The following ZSCAN22 variants were observed in gnomAD, a reference collection of about 807,000 sequenced individuals.
ZSCAN22 encodes zinc finger and SCAN domain containing 22.
A neutral mutation model predicts 12.4 loss-of-function variants in ZSCAN22; 7 were observed. That is an observed-to-expected ratio of 0.57 (90% CI 0.32 to 1.06). The LOEUF (loss-of-function observed/expected upper bound fraction) is 1.06. Ranked by LOEUF, ZSCAN22 falls within the 50% of genes least tolerant of loss-of-function variation. ZSCAN22 has a pLI of 0.04. For synonymous variants in ZSCAN22, 243 were observed against 255.9 expected, an observed-to-expected ratio of 0.95 and a Z score of 0.48; for missense variants, 576 against 631.7, an observed-to-expected ratio of 0.91 and a Z score of 0.94.
intron 1 of ZSCAN22, among the ~76,000 whole-genome samples, chr19:58,333,110 C>T (rs1190520964): frequency 6.6e-6 from 1 of 152,204 alleles, no homozygotes; most frequent in African/African-American, 2.4e-5. Flanking sequence ...AATGTCTAGT[C>T]ACATTCTTTG....
At chr19:58,332,540 G>T (rs2051740367) in intron 1 of ZSCAN22, among the ~76,000 whole-genome samples, 1 of 152,110 alleles carries the variant, frequency 6.6e-6, no homozygotes, top group South Asian at 2.1e-4. Context: ...CTCCCAAAGT[G>T]CTGGGATCAC....
Position 58,339,954 on chromosome 19 carries a change from T to C in ZSCAN22, c.*628T>C, listed in dbSNP as rs1211432261. ...CCCAGCATGTTCCTGTCTCTCCTTT[T>C]CCTTCCACATCCCACCAGTCACCAG... On this transcript the variant is annotated 3_prime_UTR_variant, in exon 3 of 3. Coordinates refer to ENST00000329665, the MANE Select transcript of ZSCAN22 (RefSeq NM_181846.3). This position sits in a 1 kb window ranked among gnomAD's most constrained non-coding sequence, Gnocchi z 5.6. 6.5e-6 allele frequency: 1 copy of C among 153,032 alleles called. No homozygotes were observed. The highest frequency in any genetic ancestry group is 1.9e-4 in the East Asian group (1 of 5,202). 9.5% of individuals were successfully genotyped at this position (153,032 alleles called of 1,614,324 possible).
In ZSCAN22 at chr19:58,339,196, C is replaced by T. The variant is rs1392169344; in HGVS notation, c.1346C>T (p.Ser449Phe). The T allele has an allele frequency of 1.9e-6, 3 of 1,613,716 alleles. No homozygotes were observed. The highest frequency in any genetic ancestry group is 1.6e-4 in the Middle Eastern group (1 of 6,082). Residue 449 changes from serine to phenylalanine, a missense_variant, in exon 3 of 3, where the codon TCC (serine) becomes TTC (phenylalanine). Transcript: ENST00000329665. This position sits in a 1 kb window ranked among gnomAD's most constrained non-coding sequence, Gnocchi z 5.6. ...TGTCCGAAGGCCTTTGCACAGAGCT[C>T]CTCCCTCATTGAGCACCAGAGGATC... Reference protein sequence around the residue: ...KVCPKAFAQSSSLIEHQRIHT... With the variant: ...KVCPKAFAQSFSLIEHQRIHT...
intron 1 of ZSCAN22, among the ~76,000 whole-genome samples, chr19:58,331,154 G>A (rs544276760): frequency 8.6e-5 from 13 of 151,720 alleles, no homozygotes; most frequent in South Asian, 2.1e-4. Flanking sequence ...CTGATAAGGC[G>A]TCTTTTGTGT....
Position 58,341,894 on chromosome 19 carries a change from G to A in ZSCAN22, c.*2568G>A, listed in dbSNP as rs2051880540. On this transcript the variant is annotated 3_prime_UTR_variant, in exon 3 of 3. Coordinates refer to ENST00000329665, the MANE Select transcript of ZSCAN22 (RefSeq NM_181846.3). Reference sequence around the variant, plus strand: ...CCATGACCTCCTCATATGTAAACCAGGGACAGGACCCACCTTGTGTAGTGC... The same window carrying A: ...CCATGACCTCCTCATATGTAAACCAAGGACAGGACCCACCTTGTGTAGTGC... 6.6e-6 allele frequency: 1 copy of A among 152,206 alleles called. No homozygotes were observed. The highest frequency in any genetic ancestry group is 2.4e-5 in the African/African-American group (1 of 41,432). 9.4% of individuals were successfully genotyped at this position (152,206 alleles called of 1,614,324 possible).
chr19:58,334,580 G>A, intron 1 of ZSCAN22, 172 bp from the exon 2 acceptor site: 2 of 538,668 alleles, frequency 3.7e-6, no homozygotes, highest in Middle Eastern at 4.9e-4. Flanking sequence ...AGCAGTAGTA[G>A]CTTAGAACAG....
chr19:58,337,277 A>G (rs2051809507), intron 2 of ZSCAN22, among the ~76,000 whole-genome samples: 1 of 152,258 alleles, frequency 6.6e-6, no homozygotes, highest in African/African-American at 2.4e-5. Flanking sequence ...CTGTGGACAC[A>G]TCCAGGCCTA....
At chr19:58,334,137 T>A (rs2051760024) in intron 1 of ZSCAN22, among the ~76,000 whole-genome samples, 1 of 152,178 alleles carries the variant, frequency 6.6e-6, no homozygotes, top group South Asian at 2.1e-4. Flanking sequence ...TTGGCTCTGT[T>A]GGGGAGGAGC....
In ZSCAN22 at chr19:58,329,336, G is replaced by C. The variant is rs557277728; in HGVS notation, c.-52+2222G>C. 3.7e-4 allele frequency among the ~76,000 whole-genome samples: 57 copies of C among 152,196 alleles called. No homozygotes were observed. The highest frequency in any genetic ancestry group is 7.5e-4 in the Non-Finnish European group (51 of 68,028). ...TCTCTGTCCAGGGTGACTTCCTTGA[G>C]CAGAGACTCCAGGCACACTGAGCGT... On this transcript the variant is annotated intron_variant, in intron 1 of 2. Transcript: ENST00000329665. The surrounding 1 kb of genome is among the most constrained non-coding windows in gnomAD (Gnocchi z 4.1).
chr19:58,339,235 A>G lies in ZSCAN22; in HGVS notation c.1385A>G (p.Lys462Arg). Reference protein sequence around the residue: ...IEHQRIHTGEKPYKCSDCGKA... With the variant: ...IEHQRIHTGERPYKCSDCGKA... ...CACCAGAGGATCCACACGGGAGAGA[A>G]GCCTTATAAGTGCAGCGACTGTGGG... Residue 462 changes from lysine (K) to arginine (R), a missense_variant, in exon 3 of 3, where the codon AAG (lysine) becomes AGG (arginine). Lys to Arg is a conservative substitution (Grantham distance 26, BLOSUM62 2). Coordinates refer to ENST00000329665, the MANE Select transcript of ZSCAN22 (RefSeq NM_181846.3). The surrounding 1 kb of genome is among the most constrained non-coding windows in gnomAD (Gnocchi z 5.6). The G allele has an allele frequency of 6.2e-7, 1 of 1,614,128 alleles. No individual in the cohort carries two copies. The highest frequency in any genetic ancestry group is 8.5e-7 in the Non-Finnish European group (1 of 1,180,016).
intron 1 of ZSCAN22, 184 bp from the exon 2 acceptor site, chr19:58,334,568 C>G: frequency 2.1e-6 from 1 of 467,646 alleles, no homozygotes; most frequent in Non-Finnish European, 3.8e-6. Flanking sequence ...AGTCTACATG[C>G]AAGCAGTAGT....
Position 58,328,701 on chromosome 19 carries a change from C to T in ZSCAN22, c.-52+1587C>T, listed in dbSNP as rs142625066. Reference sequence around the variant, plus strand: ...TTTCACATACATGTATTTCAGAGACCGTCATGAGGGATTTCTCCAGAACAG... The same window carrying T: ...TTTCACATACATGTATTTCAGAGACTGTCATGAGGGATTTCTCCAGAACAG... On this transcript the variant is annotated intron_variant, in intron 1 of 2. Coordinates refer to ENST00000329665, the MANE Select transcript of ZSCAN22 (RefSeq NM_181846.3). Among the ~76,000 whole-genome samples, 9 of 152,194 alleles carry T rather than the reference C, an allele frequency of 5.9e-5. No individual in the cohort carries two copies. The East Asian group carries it at 1.7e-3, about 29-fold the overall frequency.
rs1031458477 is a variant in ZSCAN22, at chr19:58,338,187, G to T, written c.404-67G>T. ...TCTCCCCTTACAAAGTGTGACCGGG[G>T]CCCTCGGCAGAGTAGGGGAGGCTTG... On this transcript the variant is annotated intron_variant, in intron 2 of 2. Transcript: ENST00000329665. This position sits in a 1 kb window ranked among gnomAD's most constrained non-coding sequence, Gnocchi z 5.4. 2.1e-5 allele frequency: 30 copies of T among 1,419,746 alleles called. No homozygotes were observed. The highest frequency in any genetic ancestry group is 5.2e-4 in the Middle Eastern group (2 of 3,814). 87.9% of individuals were successfully genotyped at this position (1,419,746 alleles called of 1,614,324 possible).
At chr19:58,336,296 A>C (rs994565861) in intron 2 of ZSCAN22, among the ~76,000 whole-genome samples, 1 of 152,152 alleles carries the variant, frequency 6.6e-6, no homozygotes, top group African/African-American at 2.4e-5. Context: ...TAATTTGTTC[A>C]GCTCTGGGAG....
rs1375397157 is a variant in ZSCAN22 at position 58,340,457 on chromosome 19, T to TCTTTTA, written c.*1136_*1137insACTTTT. The TCTTTTA allele has an allele frequency of 1.3e-5, 2 of 154,504 alleles. No individual in the cohort carries two copies. The highest frequency in any genetic ancestry group is 4.9e-5 in the African/African-American group (2 of 40,440). The allele number at this position is 154,504 out of a possible 1,614,324, so 9.6% of individuals were successfully genotyped here. On this transcript the variant is annotated 3_prime_UTR_variant, in exon 3 of 3. Transcript: ENST00000329665. ...GTACCTGTGCCTGGAACCCTCCTCT[T>TCTTTTA]CTTTTTCTTTTTCTTTTCTTTTCTT...
chr19:58,334,862 A>G lies in ZSCAN22; in HGVS notation c.60A>G (p.Gln20=), dbSNP rs746983980. ...PVPWEEDSFL[Q]VKVEEEEEAS... Reference sequence around the variant, plus strand: ...CGTGGGAAGAGGACAGCTTCCTTCAAGTGAAGGTGGAGGAGGAAGAGGAAG... The same window carrying G: ...CGTGGGAAGAGGACAGCTTCCTTCAGGTGAAGGTGGAGGAGGAAGAGGAAG... Residue 20 remains glutamine (Q), a synonymous_variant, in exon 2 of 3, where the codon CAA becomes CAG. Coordinates refer to ENST00000329665, the MANE Select transcript of ZSCAN22 (RefSeq NM_181846.3). 3 of 1,613,616 alleles carry G rather than the reference A, an allele frequency of 1.9e-6. No individual in the cohort carries two copies. The highest frequency in any genetic ancestry group is 2.7e-5 in the African/African-American group (2 of 74,898).
In ZSCAN22 at chr19:58,336,224, C is replaced by T. The variant is rs550788056; in HGVS notation, c.403+1019C>T. 1.2e-4 allele frequency among the ~76,000 whole-genome samples: 19 copies of T among 152,230 alleles called. No homozygotes were observed. In the South Asian group the frequency reaches 1.5e-3, roughly 12 times the overall value. On this transcript the variant is annotated intron_variant, in intron 2 of 2. Coordinates refer to ENST00000329665, the MANE Select transcript of ZSCAN22 (RefSeq NM_181846.3). ...GTGTTGCGAGATACAAGGCAATACCCGTGCAGCACCTGAAATGGTGCCTGG... is the reference window on the plus strand; with the variant it reads ...GTGTTGCGAGATACAAGGCAATACCTGTGCAGCACCTGAAATGGTGCCTGG...
In ZSCAN22 at chr19:58,335,066, A is replaced by G; in HGVS notation, c.264A>G (p.Ile88Met). 1 of 1,614,100 alleles carries G rather than the reference A, an allele frequency of 6.2e-7. No homozygotes were observed. The highest frequency in any genetic ancestry group is 8.5e-7 in the Non-Finnish European group (1 of 1,180,040). ...CCGAGGCGCACTCCAAGGAGCAGAT[A>G]CTGGAGCTGCTGGTGCTGGAGCAGT... ...LQPEAHSKEQ[I>M]LELLVLEQFL... is the part of the protein sequence containing the mutation. The change falls in exon 2 of 3, where the codon ATA (isoleucine) becomes ATG (methionine). Residue 88 changes from isoleucine (I) to methionine (M), a missense_variant. Physicochemically the swap from Ile to Met is conservative, Grantham distance 10. Transcript: ENST00000329665. This position sits in a 1 kb window ranked among gnomAD's most constrained non-coding sequence, Gnocchi z 4.1.
In ZSCAN22 at chr19:58,339,858, C is replaced by A; in HGVS notation, c.*532C>A. 1 of 154,978 alleles carries A rather than the reference C, an allele frequency of 6.5e-6. No individual in the cohort carries two copies. Among genetic ancestry groups the A allele is most frequent in the Non-Finnish European group, 1.4e-5 (1 of 69,550 alleles). 9.6% of individuals were successfully genotyped at this position (154,978 alleles called of 1,614,324 possible). A position where few individuals can be genotyped will look rare whatever the true frequency, so the allele number is the denominator to read the frequency against. Reference sequence around the variant, plus strand: ...GGCTGACTTTTGAGACTGCCTCTTCCACGATGCCTTTTCTACACTCTGCCT... The same window carrying A: ...GGCTGACTTTTGAGACTGCCTCTTCAACGATGCCTTTTCTACACTCTGCCT... On this transcript the variant is annotated 3_prime_UTR_variant, in exon 3 of 3. Transcript: ENST00000329665. This position sits in a 1 kb window ranked among gnomAD's most constrained non-coding sequence, Gnocchi z 5.6.
Sources: gnomAD v4.1 joint callset for allele counts (sites outside exome capture counted in the v4.1 genomes callset) on GRCh38, gnomAD v4.1.1 for gene constraint, Gnocchi (gnomAD v3.1) non-coding constraint, MANE v1.5 for transcripts, NCBI Gene and HGNC (gene_info 2026-07-23, HGNC 2026-07-21) for gene names.